The following SYTL1 variants were observed in gnomAD, a reference collection of about 807,000 sequenced individuals.
SYTL1 encodes the protein synaptotagmin-like protein 1.
A neutral mutation model predicts 74.6 loss-of-function variants in SYTL1; 53 were observed. The observed-to-expected ratio is 0.71, with a 90% confidence interval of 0.57 to 0.89. The LOEUF (loss-of-function observed/expected upper bound fraction) is 0.89. Ranked by LOEUF, SYTL1 falls within the 40% of genes least tolerant of loss-of-function variation. The probability of loss-of-function intolerance (pLI) is 0.00; values close to 1 mark genes in which losing one functional copy is unlikely to be tolerated. For synonymous variants in SYTL1, 329 were observed against 324.9 expected (o/e 1.01, Z -0.14); for missense variants, 728 against 768.7 (o/e 0.95, Z 0.63).
In SYTL1 at chr1:27,353,901, G is replaced by A. The variant is rs773296864; in HGVS notation, c.*49G>A. The A allele has an allele frequency of 7.0e-6, 11 of 1,564,194 alleles. No homozygotes were observed. The South Asian group carries it at 1.2e-4, about 18-fold the overall frequency. On this transcript the variant is annotated 3_prime_UTR_variant, in exon 15 of 15. Transcript: ENST00000616558. ...ACCCCCATCTCAGGGCCTGCCCTTG[G>A]CTAAAGTCAATAAAGTCTATTCTAA...
chr1:27,346,009 G>A (rs1257984219), intron 2 of SYTL1, among the ~76,000 whole-genome samples: 2 of 152,144 alleles, frequency 1.3e-5, no homozygotes, highest in Admixed American at 1.3e-4. Context: ...TTGAACCTCT[G>A]ATCTCAGATG....
At chr1:27,353,598 T>A in intron 14 of SYTL1, 110 bp downstream of exon 14, 3 of 1,542,302 alleles carry the variant, frequency 1.9e-6, no homozygotes, top group Non-Finnish European at 2.6e-6. Context: ...TGATATCTAC[T>A]GAGAACTGAG....
Position 27,351,104 on chromosome 1 carries a change from A to T in SYTL1, c.1164+152A>T. 7.6e-7 allele frequency: 1 copy of T among 1,318,750 alleles called. No homozygotes were observed. Among genetic ancestry groups the T allele is most frequent in the South Asian group, 1.4e-5 (1 of 71,252 alleles). 81.7% of individuals were successfully genotyped at this position (1,318,750 alleles called of 1,614,324 possible). ...GGCCCCAGGCGAAGCCCGGCCGGCC[A>T]CGGCCCCTTCCCCGAGGGCGCTAGG... On this transcript the variant is annotated intron_variant, in intron 11 of 14. Coordinates refer to ENST00000616558, the MANE Select transcript of SYTL1 (RefSeq NM_001193308.2). The surrounding 1 kb of genome is among the most constrained non-coding windows in gnomAD (Gnocchi z 5.0).
chr1:27,350,630 C>A lies in SYTL1; in HGVS notation c.1005+145C>A. The A allele has an allele frequency of 9.5e-7, 1 of 1,055,162 alleles. No homozygotes were observed. Among genetic ancestry groups the A allele is most frequent in the Non-Finnish European group, 1.4e-6 (1 of 724,392 alleles). 65.4% of individuals were successfully genotyped at this position (1,055,162 alleles called of 1,614,324 possible). A position where few individuals can be genotyped will look rare whatever the true frequency, so the allele number is the denominator to read the frequency against. On this transcript the variant is annotated intron_variant, in intron 10 of 14. Transcript: ENST00000616558. The surrounding 1 kb of genome is among the most constrained non-coding windows in gnomAD (Gnocchi z 6.3). The stretch of plus-strand genomic sequence containing the variant: ...TTAACTCGTTATCCAGTGTTGTCAG[C>A]CTCGTGGTGGGCGTGGTGATAGTGC...
rs1000522014 is a variant in SYTL1 at position 27,348,952 on chromosome 1, C to T, written c.460-128C>T. ...CCTGCAGCTGGCTGCCAGCCCTGCC[C>T]GGAGGGCTGCCCTAAACCTGAAACT... is the stretch of plus-strand genomic sequence containing the variant. On this transcript the variant is annotated intron_variant, in intron 5 of 14. Coordinates refer to ENST00000616558, the MANE Select transcript of SYTL1 (RefSeq NM_001193308.2). This position sits in a 1 kb window ranked among gnomAD's most constrained non-coding sequence, Gnocchi z 4.1. The T allele has an allele frequency of 2.7e-5, 20 of 729,322 alleles. No individual in the cohort carries two copies. The highest frequency in any genetic ancestry group is 1.1e-4 in the South Asian group (6 of 55,882). 45.2% of individuals were successfully genotyped at this position (729,322 alleles called of 1,614,324 possible).
In SYTL1 at chr1:27,351,239, A is replaced by G. The variant is rs1325067573; in HGVS notation, c.1165-19A>G. Reference sequence around the variant, plus strand: ...CCTTTCCATTAGCCCCTGCTCCACGATAAGCCCGCCTCTCGCAGGTCCCAC... The same window carrying G: ...CCTTTCCATTAGCCCCTGCTCCACGGTAAGCCCGCCTCTCGCAGGTCCCAC... On this transcript the variant is annotated intron_variant, in intron 11 of 14. Transcript: ENST00000616558. The surrounding 1 kb of genome is among the most constrained non-coding windows in gnomAD (Gnocchi z 5.0). The G allele has an allele frequency of 6.4e-7, 1 of 1,550,560 alleles. No individual in the cohort carries two copies. The highest frequency in any genetic ancestry group is 2.0e-5 in the Admixed American group (1 of 51,248).
intron 14 of SYTL1, 40 bp downstream of exon 14, chr1:27,353,528 C>A (rs983830464): frequency 1.3e-6 from 2 of 1,565,214 alleles, no homozygotes; most frequent in Admixed American, 1.9e-5. Flanking sequence ...CTGGGACAGG[C>A]CCTGGGAGAT....
Position 27,351,527 on chromosome 1 carries a change from G to C in SYTL1, c.1315G>C (p.Ala439Pro). The part of the protein sequence containing the change: ...KEARDLLPLR[A>P]GSLDTYVQCF... ...GGCTCGGGACCTCCTGCCGCTGCGG[G>C]CAGGATCCCTGGACACTTACGTACA... The change falls in exon 13 of 15, where the codon GCA becomes CCA. Residue 439 changes from alanine (A) to proline (P), a missense_variant. Transcript: ENST00000616558. This position sits in a 1 kb window ranked among gnomAD's most constrained non-coding sequence, Gnocchi z 5.0. 1 of 1,548,788 alleles carries C rather than the reference G, an allele frequency of 6.5e-7. No individual in the cohort carries two copies. The highest frequency in any genetic ancestry group is 8.7e-7 in the Non-Finnish European group (1 of 1,146,060).
In SYTL1 at chr1:27,351,343, GA is replaced by G. The variant is rs916852830; in HGVS notation, c.1243+8del. The G allele has an allele frequency of 1.3e-6, 2 of 1,542,322 alleles. No individual in the cohort carries two copies. The highest frequency in any genetic ancestry group is 2.7e-5 in the African/African-American group (2 of 73,262). On this transcript the variant is annotated splice_region_variant and intron_variant, in intron 12 of 14. Coordinates refer to ENST00000616558, the MANE Select transcript of SYTL1 (RefSeq NM_001193308.2). This position sits in a 1 kb window ranked among gnomAD's most constrained non-coding sequence, Gnocchi z 5.0. ...GTCCCCGCCGGCTCCGAGGGTGAGT[GA>G]CAGCCGGAGAGGCCAAGCTGGACAC...
chr1:27,349,028 C>T lies in SYTL1; in HGVS notation c.460-52C>T, dbSNP rs3934718. On this transcript the variant is annotated intron_variant, in intron 5 of 14. Coordinates refer to ENST00000616558, the MANE Select transcript of SYTL1 (RefSeq NM_001193308.2). ...CCTCTGACCCCAATATGACCTTTGA[C>T]CTCTTCCTCACCAGCCCCCGTACTG... 10,661 of 1,427,358 alleles carry T rather than the reference C, an allele frequency of 7.5e-3. 643 individuals carry two copies. In the African/African-American group the frequency reaches 0.13, roughly 17 times the overall value. 88.4% of individuals were successfully genotyped at this position (1,427,358 alleles called of 1,614,324 possible).
Position 27,342,590 on chromosome 1 carries a change from C to T in SYTL1, c.-39+440C>T, listed in dbSNP as rs2014817968. Among the ~76,000 whole-genome samples the T allele has an allele frequency of 6.6e-6, 1 of 152,210 alleles. No homozygotes were observed. Among genetic ancestry groups the T allele is most frequent in the African/African-American group, 2.4e-5 (1 of 41,424 alleles). ...CCCCACAGCACACAGCCCAGTCACA[C>T]ATACAGCACAGGAGGAAATGCACAA... On this transcript the variant is annotated intron_variant, in intron 1 of 14. Coordinates refer to ENST00000616558, the MANE Select transcript of SYTL1 (RefSeq NM_001193308.2). The surrounding 1 kb of genome is among the most constrained non-coding windows in gnomAD (Gnocchi z 4.7).
chr1:27,344,227 C>T (rs902973339), intron 1 of SYTL1, among the ~76,000 whole-genome samples: 7 of 152,204 alleles, frequency 4.6e-5, no homozygotes, highest in African/African-American at 1.7e-4. Flanking sequence ...CCTCAGCCTC[C>T]CGAGTAGCTG....
chr1:27,349,810 G>T (rs772244044), intron 8 of SYTL1, 45 bp downstream of exon 8: 2 of 1,552,588 alleles, frequency 1.3e-6, no homozygotes, highest in African/African-American at 2.7e-5. Flanking sequence ...GGGTGGACCC[G>T]TTCCGATGCG....
chr1:27,352,848 T>C (rs915855275), intron 13 of SYTL1: 3 of 186,938 alleles, frequency 1.6e-5, no homozygotes, highest in African/African-American at 7.1e-5. Flanking sequence ...TGCAGTGGTG[T>C]GATTTCAGCT....
In SYTL1 at chr1:27,347,339, G is replaced by C; in HGVS notation, c.192-82G>C. On this transcript the variant is annotated intron_variant, in intron 2 of 14. Transcript: ENST00000616558. This position sits in a 1 kb window ranked among gnomAD's most constrained non-coding sequence, Gnocchi z 4.9. ...ATTTGCTGTTGGGTCCCTGGCCCCTGGTCCCAAGCCTGTTAACAATGTAGG... is the reference window on the plus strand; with the variant it reads ...ATTTGCTGTTGGGTCCCTGGCCCCTCGTCCCAAGCCTGTTAACAATGTAGG... The C allele has an allele frequency of 1.3e-6, 2 of 1,589,568 alleles. No individual in the cohort carries two copies. Among genetic ancestry groups the C allele is most frequent in the Non-Finnish European group, 1.7e-6 (2 of 1,162,062 alleles).
rs766243498 is a variant in SYTL1 at position 27,349,873 on chromosome 1, G to C, written c.748-99G>C. On this transcript the variant is annotated intron_variant, in intron 8 of 14. Coordinates refer to ENST00000616558, the MANE Select transcript of SYTL1 (RefSeq NM_001193308.2). ...CGGGACCCACCGCTGCAGCCCCCCA[G>C]CCTGCCACCTATGACCCGGGTCTGA... The C allele has an allele frequency of 1.4e-5, 22 of 1,536,218 alleles. 1 individual carries two copies. In the South Asian group the frequency reaches 2.6e-4, roughly 18 times the overall value.
At position 27,350,215 on chromosome 1, in the gene SYTL1, C is replaced by G. The variant is rs546685296; in HGVS notation, c.908+83C>G. The G allele has an allele frequency of 6.7e-7, 1 of 1,483,314 alleles. No individual in the cohort carries two copies. The highest frequency in any genetic ancestry group is 1.4e-5 in the African/African-American group (1 of 71,614). 91.9% of individuals were successfully genotyped at this position (1,483,314 alleles called of 1,614,324 possible). A position where few individuals can be genotyped will look rare whatever the true frequency, so the allele number is the denominator to read the frequency against. ...AGGGTCTCGGCCTCCTCGTCCTCATCTTCAAAATGGGAACAACAGCGTTAT... is the reference window on the plus strand; with the variant it reads ...AGGGTCTCGGCCTCCTCGTCCTCATGTTCAAAATGGGAACAACAGCGTTAT... On this transcript the variant is annotated intron_variant, in intron 9 of 14. Transcript: ENST00000616558. This position sits in a 1 kb window ranked among gnomAD's most constrained non-coding sequence, Gnocchi z 6.3.
rs757392446 is a variant in SYTL1, at chr1:27,345,494, C to A, written c.160C>A (p.Arg54Ser). ...TGCTGGCGTCCTCCAACGAGATGCCCGCCTGCGCCAGCTGGAGGAGGGGCG... is the reference window on the plus strand; with the variant it reads ...TGCTGGCGTCCTCCAACGAGATGCCAGCCTGCGCCAGCTGGAGGAGGGGCG... Reference protein sequence around the residue: ...AIAGVLQRDARLRQLEEGRVS... With the variant: ...AIAGVLQRDASLRQLEEGRVS... Residue 54 changes from arginine (R) to serine (S), a missense_variant, in exon 2 of 15, where the codon CGC (arginine) becomes AGC (serine). Arg to Ser is a moderately radical substitution (Grantham distance 110). Transcript: ENST00000616558. The surrounding 1 kb of genome is among the most constrained non-coding windows in gnomAD (Gnocchi z 6.0). 1.9e-6 allele frequency: 3 copies of A among 1,557,632 alleles called. No homozygotes were observed. Among genetic ancestry groups the A allele is most frequent in the East Asian group, 4.7e-5 (2 of 42,258 alleles).
chr1:27,347,410 C>A lies in SYTL1; in HGVS notation c.192-11C>A, dbSNP rs574411962. ...TGAGTCATGACAGCCACACCCTCCCCCTTCCTCCAGCAAGCTCCGGGCCTC... is the reference window on the plus strand; with the variant it reads ...TGAGTCATGACAGCCACACCCTCCCACTTCCTCCAGCAAGCTCCGGGCCTC... On this transcript the variant is annotated splice_polypyrimidine_tract_variant and intron_variant, in intron 2 of 14. Coordinates refer to ENST00000616558, the MANE Select transcript of SYTL1 (RefSeq NM_001193308.2). This position sits in a 1 kb window ranked among gnomAD's most constrained non-coding sequence, Gnocchi z 4.9. The A allele has an allele frequency of 6.2e-7, 1 of 1,614,002 alleles. No individual in the cohort carries two copies. Among genetic ancestry groups the A allele is most frequent in the Non-Finnish European group, 8.5e-7 (1 of 1,180,010 alleles).
Sources: allele counts gnomAD v4.1 joint callset (sites outside exome capture counted in the v4.1 genomes callset), GRCh38; gene constraint gnomAD v4.1.1; non-coding constraint Gnocchi (gnomAD v3.1); transcripts MANE v1.5; gene names NCBI Gene and HGNC (gene_info 2026-07-23, HGNC 2026-07-21).